The following BOC variants were observed in gnomAD, a reference collection of about 807,000 sequenced individuals.
BOC encodes BOC cell adhesion associated, oncogene regulated.
In BOC, 76 loss-of-function variants were observed where a neutral mutation model predicts 112.0. The ratio of observed to expected loss-of-function variants is 0.68; its 90% confidence interval spans 0.56 to 0.82. The LOEUF (loss-of-function observed/expected upper bound fraction) is 0.82, where lower values mean the gene tolerates loss of function less well. Among genes scored for constraint, BOC ranks in the 40% least tolerant of loss-of-function variants. The probability of loss-of-function intolerance (pLI) is 0.00; values close to 1 mark genes in which losing one functional copy is unlikely to be tolerated. For synonymous variants in BOC, 580 were observed against 599.8 expected (o/e 0.97, Z 0.48); for missense variants, 1,309 against 1,511.7 (o/e 0.87, Z 2.22).
chr3:113,242,888 A>G (rs1944481189), intron 2 of BOC, among the ~76,000 whole-genome samples: 1 of 152,142 alleles, frequency 6.6e-6, no homozygotes, highest in Non-Finnish European at 1.5e-5. Context: ...GGAGCACTGT[A>G]AGATAACAGT....
At position 113,274,420 on chromosome 3, in the gene BOC, C is replaced by T. The variant is rs537795063; in HGVS notation, c.1280C>T (p.Thr427Ile). ...LWQDAELATG[T>I]PPVSPSKLGN... ...CAGGATGCTGAGCTGGCTACTGGCACACCTCCTGTATCACCCTCCAAACTC... is the reference window on the plus strand; with the variant it reads ...CAGGATGCTGAGCTGGCTACTGGCATACCTCCTGTATCACCCTCCAAACTC... Residue 427 changes from threonine to isoleucine, a missense_variant, in exon 9 of 20, where the codon ACA (threonine) becomes ATA (isoleucine). Coordinates refer to ENST00000682979, the MANE Select transcript of BOC (RefSeq NM_001378074.1). The surrounding 1 kb of genome is among the most constrained non-coding windows in gnomAD (Gnocchi z 4.8). 6.3e-7 allele frequency: 1 copy of T among 1,582,484 alleles called. No individual in the cohort carries two copies. Among genetic ancestry groups the T allele is most frequent in the Non-Finnish European group, 8.6e-7 (1 of 1,159,214 alleles).
At chr3:113,237,746 C>G (rs552468342) in intron 2 of BOC, among the ~76,000 whole-genome samples, 1 of 152,212 alleles carries the variant, frequency 6.6e-6, no homozygotes, top group East Asian at 1.9e-4. Context: ...GTCCTTTCCC[C>G]CCAGGAAAAA....
Position 113,280,677 on chromosome 3 carries a change from C to T in BOC, c.2311+14C>T, listed in dbSNP as rs1177876911. 1 of 1,561,088 alleles carries T rather than the reference C, an allele frequency of 6.4e-7. No individual in the cohort carries two copies. The highest frequency in any genetic ancestry group is 2.2e-5 in the East Asian group (1 of 44,598). On this transcript the variant is annotated intron_variant, in intron 14 of 19. Transcript: ENST00000682979. ...ATATGGTGGAAGGTGAGACACAGTT[C>T]TGTGTTTATAGCTTCTGCGTGATAT... is the stretch of plus-strand genomic sequence containing the variant.
intron 9 of BOC, among the ~76,000 whole-genome samples, chr3:113,275,131 G>A (rs1264862584): frequency 6.6e-6 from 1 of 152,200 alleles, no homozygotes; most frequent in Non-Finnish European, 1.5e-5. Context: ...CAGCTGTAAT[G>A]CCAGGAAAAC....
intron 2 of BOC, among the ~76,000 whole-genome samples, chr3:113,232,260 G>A (rs2107713527): frequency 6.6e-6 from 1 of 152,342 alleles, no homozygotes; most frequent in East Asian, 1.9e-4. Flanking sequence ...TCCCAAGTTG[G>A]GGAGAGCTGG....
At chr3:113,280,799 T>C in intron 14 of BOC, 136 bp downstream of exon 14, 1 of 871,130 alleles carries the variant, frequency 1.1e-6, no homozygotes, top group South Asian at 1.6e-5. Flanking sequence ...CTCCGTGTCA[T>C]TGACTCATTC....
At chr3:113,248,577 T>G (rs1435566726) in intron 2 of BOC, among the ~76,000 whole-genome samples, 1 of 152,222 alleles carries the variant, frequency 6.6e-6, no homozygotes, top group Non-Finnish European at 1.5e-5. Flanking sequence ...CCTCCCTGCC[T>G]AATAAGGCTG....
chr3:113,218,019 C>T (rs1939800016), intron 2 of BOC, among the ~76,000 whole-genome samples: 1 of 152,222 alleles, frequency 6.6e-6, no homozygotes, highest in Non-Finnish European at 1.5e-5. Context: ...GCTCTGAAAT[C>T]ATTCCCACAG....
chr3:113,271,219 G>A, intron 6 of BOC: 1 of 616,486 alleles, frequency 1.6e-6, no homozygotes, highest in Non-Finnish European at 3.0e-6. Context: ...TTTGCGATTG[G>A]GATGGGTCAG....
chr3:113,225,269 G>A (rs1270180772), intron 2 of BOC, among the ~76,000 whole-genome samples: 3 of 146,870 alleles, frequency 2.0e-5, no homozygotes, highest in Non-Finnish European at 4.5e-5. Context: ...ACAAGACCTT[G>A]TCAAAAAAAA....
At chr3:113,218,197 G>A (rs1040935560) in intron 2 of BOC, among the ~76,000 whole-genome samples, 14 of 152,164 alleles carry the variant, frequency 9.2e-5, no homozygotes, top group South Asian at 8.3e-4. Flanking sequence ...TGGAGCCCCC[G>A]CCACCAAGTC....
intron 2 of BOC, among the ~76,000 whole-genome samples, chr3:113,240,387 T>C (rs960360058): frequency 6.6e-6 from 1 of 152,182 alleles, no homozygotes; most frequent in African/African-American, 2.4e-5. Context: ...GTCAGGGTTA[T>C]TGCCACACAT....
chr3:113,280,053 A>C, intron 13 of BOC, 48 bp downstream of exon 13: 1 of 1,534,696 alleles, frequency 6.5e-7, no homozygotes, highest in Non-Finnish European at 8.8e-7. Context: ...CCTCCCCTAA[A>C]TGCCCTTCCC....
At chr3:113,245,293 AG>A (rs1944774889) in intron 2 of BOC, among the ~76,000 whole-genome samples, 2 of 152,080 alleles carry the variant, frequency 1.3e-5, no homozygotes, top group South Asian at 4.1e-4. Flanking sequence ...TCTGTTGCCC[AG>A]GCTGGAATGC....
At chr3:113,268,256 T>C (rs757893476) in intron 4 of BOC, 43 bp from the exon 5 acceptor site, 1 of 1,610,618 alleles carries the variant, frequency 6.2e-7, no homozygotes, top group Non-Finnish European at 8.5e-7. Context: ...GTCACACTTT[T>C]GCTCTGCTGT....
chr3:113,258,746 C>T (rs6798990), intron 4 of BOC, among the ~76,000 whole-genome samples: 8,830 of 152,230 alleles, frequency 0.058, 845 homozygotes, highest in African/African-American at 0.2. Flanking sequence ...GAGACAGAGA[C>T]AGCTCCACAC....
intron 4 of BOC, among the ~76,000 whole-genome samples, chr3:113,262,322 AT>A (rs1481085802): frequency 6.6e-6 from 1 of 152,174 alleles, no homozygotes; most frequent in East Asian, 1.9e-4. Context: ...CTTGTGAATT[AT>A]TGTGTCCTGC....
chr3:113,284,886 C>T (rs759709720), intron 18 of BOC, 28 bp downstream of exon 18: 2 of 1,594,798 alleles, frequency 1.3e-6, no homozygotes, highest in South Asian at 1.1e-5. Flanking sequence ...CTTTCACTCC[C>T]AAGCCCCACA....
At chr3:113,232,936 A>C (rs752666250) in intron 2 of BOC, among the ~76,000 whole-genome samples, 15 of 152,062 alleles carry the variant, frequency 9.9e-5, no homozygotes, top group Non-Finnish European at 1.9e-4. Flanking sequence ...GTTCCTTTTA[A>C]AGTTCGGGGT....
Sources: gnomAD v4.1 joint callset for allele counts (sites outside exome capture counted in the v4.1 genomes callset) on GRCh38, gnomAD v4.1.1 for gene constraint, Gnocchi (gnomAD v3.1) non-coding constraint, MANE v1.5 for transcripts, NCBI Gene and HGNC (gene_info 2026-07-23, HGNC 2026-07-21) for gene names.